Variants in GTF2H1 observed in about 807,000 individuals in gnomAD.
GTF2H1 encodes the protein general transcription factor IIH subunit 1, also known as BTF2 p62.
A neutral mutation model predicts 71.2 loss-of-function variants in GTF2H1; 16 were observed. The observed-to-expected ratio is 0.22, with a 90% CI of 0.15 to 0.34. The LOEUF (loss-of-function observed/expected upper bound fraction) is 0.34, where lower values mean the gene tolerates loss of function less well. Ranked by LOEUF, GTF2H1 falls within the 10% of genes least tolerant of loss-of-function variation. The pLI is 1.00. For synonymous variants in GTF2H1, 215 were observed against 219.0 expected (o/e 0.98, Z 0.16); for missense variants, 498 against 648.2 (o/e 0.77, Z 2.52).
intron 1 of GTF2H1, among the ~76,000 whole-genome samples, chr11:18,323,704 C>T (rs1007362765): frequency 1.3e-5 from 2 of 152,090 alleles, no homozygotes; most frequent in African/African-American, 4.8e-5. Flanking sequence ...ATCTGGAACC[C>T]AATATATAAA....
chr11:18,365,859 A>C lies in GTF2H1; in HGVS notation c.1637A>C (p.Lys546Thr), dbSNP rs761921903. 8.1e-6 allele frequency: 13 copies of C among 1,611,374 alleles called. No homozygotes were observed. The highest frequency in any genetic ancestry group is 1.7e-6 in the Non-Finnish European group (2 of 1,177,672). Residue 546 changes from lysine (K) to threonine (T), a missense_variant, in exon 15 of 15, where the codon AAG becomes ACG. By Grantham distance (78) the Lys-to-Thr change is moderately conservative (BLOSUM62 -1). Around this residue, in one of 3 missense-constraint regions of GTF2H1, gnomAD observed 266 missense variants for 301.6 expected, o/e 0.88. Coordinates refer to ENST00000265963, the MANE Select transcript of GTF2H1 (RefSeq NM_005316.4). ...ACATGGCAGTCACGGCGTCTGATGA[A>C]GAAAACGTGAGGTGGCCATGATGCT... Reference protein sequence around the residue: ...LHTWQSRRLMKKT With the variant: ...LHTWQSRRLMTKT
intron 7 of GTF2H1, among the ~76,000 whole-genome samples, chr11:18,345,885 G>A (rs1404884561): frequency 6.6e-6 from 1 of 150,592 alleles, no homozygotes; most frequent in African/African-American, 2.4e-5. Flanking sequence ...TGCCCCCTGG[G>A]GTTCATGCCA....
chr11:18,344,610 C>G (rs543876657), intron 7 of GTF2H1, among the ~76,000 whole-genome samples: 1 of 94,230 alleles, frequency 1.1e-5, no homozygotes, highest in South Asian at 3.8e-4. Flanking sequence ...CAGAGTGAGA[C>G]TGTCTCAAAA....
intron 7 of GTF2H1, among the ~76,000 whole-genome samples, chr11:18,343,464 C>T (rs982286313): frequency 6.6e-6 from 1 of 151,410 alleles, no homozygotes; most frequent in Non-Finnish European, 1.5e-5. Context: ...TTTGGTGTTC[C>T]TTCTTTCCTT....
intron 14 of GTF2H1, among the ~76,000 whole-genome samples, chr11:18,363,193 C>G (rs547547527): frequency 6.6e-6 from 1 of 152,048 alleles, no homozygotes; most frequent in African/African-American, 2.4e-5. Context: ...GAAGGACCTG[C>G]GTACGGCTAT....
At chr11:18,335,696 T>G in intron 2 of GTF2H1, 58 bp from the exon 3 acceptor site, 1 of 1,244,830 alleles carries the variant, frequency 8.0e-7, no homozygotes, top group Non-Finnish European at 1.2e-6. Flanking sequence ...TAACTTACTG[T>G]ATGGTTATTC....
rs1297161580 is a variant in GTF2H1 at position 18,326,691 on chromosome 11, A to G, written c.-16+3951A>G. Among the ~76,000 whole-genome samples the G allele has an allele frequency of 3.3e-5, 5 of 152,074 alleles. No homozygotes were observed. In the East Asian group the frequency reaches 9.6e-4, roughly 29 times the overall value. ...TTTATTTGTGCCTGTAAGTCCAGTT[A>G]ATTGGAGACTTGCTCTATCAGCTGT... On this transcript the variant is annotated intron_variant, in intron 1 of 14. Coordinates refer to ENST00000265963, the MANE Select transcript of GTF2H1 (RefSeq NM_005316.4).
Position 18,347,355 on chromosome 11 carries a change from C to T in GTF2H1, c.838-233C>T, listed in dbSNP as rs1411672444. 3.2e-5 allele frequency: 11 copies of T among 347,896 alleles called. No homozygotes were observed. The Admixed American group carries it at 3.5e-4, about 11-fold the overall frequency. 21.6% of individuals were successfully genotyped at this position (347,896 alleles called of 1,614,324 possible). A position where few individuals can be genotyped will look rare whatever the true frequency, so the allele number is the denominator to read the frequency against. On this transcript the variant is annotated intron_variant, in intron 7 of 14. Transcript: ENST00000265963. ...ACAGAGCGGGACTCCATCTCAAAAA[C>T]AGAGAGAAATTCAGTTTAAGATGTA...
chr11:18,361,617 C>T (rs948205724), intron 14 of GTF2H1, among the ~76,000 whole-genome samples: 3 of 152,106 alleles, frequency 2.0e-5, no homozygotes, highest in Non-Finnish European at 4.4e-5. Flanking sequence ...TGCGGTGAGC[C>T]GAGGTCATGC....
intron 9 of GTF2H1, 169 bp from the exon 10 acceptor site, chr11:18,351,709 AGTT>A: frequency 4.2e-6 from 2 of 475,670 alleles, no homozygotes; most frequent in East Asian, 6.6e-5. Flanking sequence ...ATTCTTAAGT[AGTT>A]GTTGAGAAAA....
chr11:18,330,015 G>C (rs1394195510), intron 1 of GTF2H1, among the ~76,000 whole-genome samples: 1 of 152,208 alleles, frequency 6.6e-6, no homozygotes, highest in Non-Finnish European at 1.5e-5. Context: ...GGAAACATGA[G>C]GGAATGTTCA....
chr11:18,327,449 C>G (rs1376829165), intron 1 of GTF2H1, among the ~76,000 whole-genome samples: 1 of 152,182 alleles, frequency 6.6e-6, no homozygotes, highest in Non-Finnish European at 1.5e-5. Context: ...TGCTACTTCC[C>G]TGATGGTTTA....
In GTF2H1 at chr11:18,322,754, G is replaced by A. The variant is rs1308254914; in HGVS notation, c.-16+14G>A. On this transcript the variant is annotated intron_variant, in intron 1 of 14. Transcript: ENST00000265963. ...AGCTTCCACCTGGTAAGTTTAGACC[G>A]AAGAATGCAGGCGGGCGGGTGGGTG... is the stretch of plus-strand genomic sequence containing the variant. The A allele has an allele frequency of 7.3e-6, 1 of 137,434 alleles. No individual in the cohort carries two copies. Among genetic ancestry groups the A allele is most frequent in the Non-Finnish European group, 1.5e-5 (1 of 66,178 alleles). The allele number at this position is 137,434 out of a possible 1,614,324, so 8.5% of individuals were successfully genotyped here.
At chr11:18,331,291 A>C (rs1590181630) in intron 1 of GTF2H1, among the ~76,000 whole-genome samples, 1 of 152,250 alleles carries the variant, frequency 6.6e-6, no homozygotes, top group South Asian at 2.1e-4. Flanking sequence ...CCTGAGCTCA[A>C]GTGATCCACC....
chr11:18,336,441 T>C (rs1865031108), intron 3 of GTF2H1, among the ~76,000 whole-genome samples: 1 of 152,108 alleles, frequency 6.6e-6, no homozygotes, highest in African/African-American at 2.4e-5. Flanking sequence ...TATCCTCACT[T>C]TTGCTATGAT....
intron 14 of GTF2H1, among the ~76,000 whole-genome samples, chr11:18,361,405 G>T (rs954279263): frequency 6.6e-6 from 1 of 152,096 alleles, no homozygotes; most frequent in Non-Finnish European, 1.5e-5. Flanking sequence ...GGTGGCTCAT[G>T]CCTGTAATCC....
intron 1 of GTF2H1, among the ~76,000 whole-genome samples, chr11:18,328,456 T>C (rs1333503354): frequency 6.8e-6 from 1 of 146,278 alleles, no homozygotes; most frequent in Non-Finnish European, 1.5e-5. Flanking sequence ...GAGGTTGCAG[T>C]GAGCCAAGAT....
chr11:18,330,080 C>T (rs1379677787), intron 1 of GTF2H1, among the ~76,000 whole-genome samples: 1 of 152,148 alleles, frequency 6.6e-6, no homozygotes, highest in Non-Finnish European at 1.5e-5. Flanking sequence ...TGGGTGTGTA[C>T]TATAGTCAAA....
chr11:18,356,192 A>G (rs1367591183), intron 11 of GTF2H1, among the ~76,000 whole-genome samples: 1 of 152,110 alleles, frequency 6.6e-6, no homozygotes, highest in Non-Finnish European at 1.5e-5. Flanking sequence ...ACCCTGGCCA[A>G]CATGGCAAAA....
Sources: gnomAD v4.1 joint callset for allele counts (sites outside exome capture counted in the v4.1 genomes callset) on GRCh38, gnomAD v4.1.1 for gene constraint, gnomAD v4.1.1 regional missense constraint, MANE v1.5 for transcripts, NCBI Gene and HGNC (gene_info 2026-07-23, HGNC 2026-07-21) for gene names.